The following STRN3 variants were observed in gnomAD, a reference collection of about 807,000 sequenced individuals.
STRN3 encodes striatin-3.
Under a neutral mutation model 95.6 loss-of-function variants are expected in STRN3, and 29 were observed. The observed-to-expected ratio is 0.30, with a 90% CI of 0.23 to 0.41. The LOEUF is 0.41. STRN3 is among the 10% of genes least tolerant of loss of function. STRN3 has a pLI of 1.00. For missense variants in STRN3, 890 were observed against 972.1 expected, an observed-to-expected ratio of 0.92 and a Z score of 1.12; for synonymous variants, 331 against 357.6, an observed-to-expected ratio of 0.93 and a Z score of 0.84.
intron 1 of STRN3, among the ~76,000 whole-genome samples, chr14:31,024,653 A>C (rs1357905187): frequency 6.6e-6 from 1 of 152,210 alleles, no homozygotes; most frequent in Non-Finnish European, 1.5e-5. Flanking sequence ...GAACCAAACT[A>C]AAGAGATGCA....
intron 1 of STRN3, among the ~76,000 whole-genome samples, chr14:31,021,017 A>G (rs1883479977): frequency 6.6e-6 from 1 of 152,190 alleles, no homozygotes; most frequent in South Asian, 2.1e-4. Context: ...AATATCACCA[A>G]ATAATCATGC....
intron 9 of STRN3, among the ~76,000 whole-genome samples, chr14:30,914,452 A>C (rs1321089962): frequency 6.6e-6 from 1 of 152,008 alleles, no homozygotes; most frequent in Non-Finnish European, 1.5e-5. Context: ...TCCTAGGTTC[A>C]AGCAATTCTC....
chr14:30,997,303 A>G (rs1882248375), intron 1 of STRN3, among the ~76,000 whole-genome samples: 1 of 152,210 alleles, frequency 6.6e-6, no homozygotes, highest in Non-Finnish European at 1.5e-5. Flanking sequence ...TCTTAGAGAC[A>G]GCAAGGCCTC....
intron 16 of STRN3, among the ~76,000 whole-genome samples, chr14:30,899,038 T>C (rs1896234196): frequency 6.6e-6 from 1 of 152,184 alleles, no homozygotes; most frequent in Non-Finnish European, 1.5e-5. Flanking sequence ...AGCAAATGAG[T>C]TAGAACAATG....
chr14:30,946,861 C>T (rs1238871155), intron 5 of STRN3, among the ~76,000 whole-genome samples: 1 of 151,836 alleles, frequency 6.6e-6, no homozygotes, highest in African/African-American at 2.4e-5. Flanking sequence ...TGCCTGTAAT[C>T]CCAGCTACTT....
At chr14:30,907,470 C>G (rs1435852615) in intron 13 of STRN3, among the ~76,000 whole-genome samples, 1 of 152,212 alleles carries the variant, frequency 6.6e-6, no homozygotes, top group South Asian at 2.1e-4. Flanking sequence ...CTCCTCCCCA[C>G]CTTTCCACAA....
chr14:30,982,122 T>C (rs1373734994), intron 1 of STRN3, among the ~76,000 whole-genome samples: 2 of 110,024 alleles, frequency 1.8e-5, no homozygotes, highest in Non-Finnish European at 4.0e-5. Flanking sequence ...AAAAAAAGAA[T>C]TCCAAGGGGA....
intron 1 of STRN3, among the ~76,000 whole-genome samples, chr14:31,001,918 C>A (rs1882470327): frequency 6.6e-6 from 1 of 151,750 alleles, no homozygotes; most frequent in Non-Finnish European, 1.5e-5. Context: ...GTAATCCCAG[C>A]ACTTTGGGAG....
At chr14:30,943,891 G>T (rs1386453121) in intron 5 of STRN3, among the ~76,000 whole-genome samples, 2 of 152,016 alleles carry the variant, frequency 1.3e-5, no homozygotes, top group African/African-American at 4.8e-5. Context: ...AGGAAATGGG[G>T]AGCTGCTGTT....
chr14:30,927,712 A>G (rs1203766260), intron 8 of STRN3, among the ~76,000 whole-genome samples: 1 of 151,874 alleles, frequency 6.6e-6, no homozygotes, highest in Non-Finnish European at 1.5e-5. Context: ...GATTACGACA[A>G]TGTCAGGAGA....
chr14:31,002,702 A>G (rs984094021), intron 1 of STRN3, among the ~76,000 whole-genome samples: 2 of 152,112 alleles, frequency 1.3e-5, no homozygotes, highest in African/African-American at 2.4e-5. Flanking sequence ...ATGAACCTTA[A>G]GGACACAATG....
intron 1 of STRN3, among the ~76,000 whole-genome samples, chr14:31,006,445 C>T (rs1382604443): frequency 6.6e-6 from 1 of 151,966 alleles, no homozygotes; most frequent in Non-Finnish European, 1.5e-5. Flanking sequence ...CCTGTAATCC[C>T]AGCACTTTGG....
chr14:30,899,293 TCAAATTTGTAACTCTAC>T (rs1896241297), intron 16 of STRN3, among the ~76,000 whole-genome samples: 1 of 152,198 alleles, frequency 6.6e-6, no homozygotes. Context: ...TATAGGAAAC[TCAAATTTGTAACTCTAC>T]CAAAATTTTA....
chr14:30,900,694 A>G (rs1252598798), intron 16 of STRN3, among the ~76,000 whole-genome samples: 1 of 150,800 alleles, frequency 6.6e-6, no homozygotes, highest in Non-Finnish European at 1.5e-5. Flanking sequence ...GGTTACAGTG[A>G]GCTGAGATGG....
rs146933795 is a variant in STRN3, at chr14:30,971,793, A to T, written c.283-15551T>A. Reference sequence around the variant, plus strand: ...AAAAAAAAAGTAGTTCGGTAAATGGAAAGGAATAATAGCCTCAATTCTTCC... The same window carrying T: ...AAAAAAAAAGTAGTTCGGTAAATGGTAAGGAATAATAGCCTCAATTCTTCC... On this transcript the variant is annotated intron_variant, in intron 1 of 17. Coordinates refer to ENST00000357479, the MANE Select transcript of STRN3 (RefSeq NM_001083893.2). Among the ~76,000 whole-genome samples the T allele has an allele frequency of 6.2e-3, 948 of 152,318 alleles. 5 individuals are homozygous for T. Among genetic ancestry groups the T allele is most frequent in the Non-Finnish European group, 0.011 (731 of 68,016 alleles).
In STRN3 at chr14:30,956,232, G is replaced by A; in HGVS notation, c.293C>T (p.Ala98Val). 2 of 1,613,254 alleles carry A rather than the reference G, an allele frequency of 1.2e-6. No individual in the cohort carries two copies. Among genetic ancestry groups the A allele is most frequent in the Non-Finnish European group, 8.5e-7 (1 of 1,179,578 alleles). ...VERAELQARI[A>V]FLQGERKGQE... is the part of the protein sequence containing the mutation. Reference sequence around the variant, plus strand: ...ACCTTTTCTTTCGCCTTGTAGAAATGCAATCCGGGCCTAAAAATATAAAAG... The same window carrying A: ...ACCTTTTCTTTCGCCTTGTAGAAATACAATCCGGGCCTAAAAATATAAAAG... The change falls in exon 2 of 18, where the codon GCA (alanine) becomes GTA (valine). Residue 98 changes from alanine (A) to valine (V), a missense_variant. Around this residue, in one of 3 missense-constraint regions of STRN3, gnomAD observed 526 missense variants for 526.3 expected, o/e 1.00. Coordinates refer to ENST00000357479, the MANE Select transcript of STRN3 (RefSeq NM_001083893.2).
At chr14:30,934,630 A>G (rs916028507) in intron 7 of STRN3, among the ~76,000 whole-genome samples, 2 of 152,182 alleles carry the variant, frequency 1.3e-5, no homozygotes, top group African/African-American at 4.8e-5. Flanking sequence ...TGAATATTAT[A>G]GGCAATAAAG....
intron 8 of STRN3, among the ~76,000 whole-genome samples, chr14:30,922,780 TTAAA>T (rs1227482418): frequency 2.0e-5 from 3 of 152,174 alleles, no homozygotes; most frequent in Middle Eastern, 3.2e-3. Context: ...AATTGTTGTC[TTAAA>T]TAAATATGAG....
intron 13 of STRN3, among the ~76,000 whole-genome samples, chr14:30,908,983 C>T (rs925714922): frequency 1.3e-5 from 2 of 152,248 alleles, no homozygotes; most frequent in African/African-American, 4.8e-5. Flanking sequence ...AACTCACCAT[C>T]TTAAATCTCC....
Sources: allele counts gnomAD v4.1 joint callset (sites outside exome capture counted in the v4.1 genomes callset), GRCh38; gene constraint gnomAD v4.1.1; regional missense constraint gnomAD v4.1.1; transcripts MANE v1.5; gene names NCBI Gene and HGNC (gene_info 2026-07-23, HGNC 2026-07-21).